DNAH11: variants seen among roughly 807,000 people sequenced by gnomAD.
DNAH11 encodes dynein axonemal heavy chain 11, also known as axonemal beta dynein heavy chain 11.
In DNAH11, 442 loss-of-function variants were observed where a neutral mutation model predicts 526.0. The observed-to-expected ratio is 0.84, with a 90% confidence interval of 0.78 to 0.91. The LOEUF (loss-of-function observed/expected upper bound fraction) is 0.91. Ranked by LOEUF, DNAH11 falls within the 40% of genes least tolerant of loss-of-function variation. The pLI, the probability that DNAH11 is intolerant of heterozygous loss-of-function variation, is 0.00. For missense variants in DNAH11, 6,989 were observed against 5,448.7 expected, an observed-to-expected ratio of 1.28 and a Z score of -8.90; for synonymous variants, 2,461 against 1,935.9, an observed-to-expected ratio of 1.27 and a Z score of -7.12.
intron 25 of DNAH11, 108 bp from the exon 26 acceptor site, chr7:21,635,763 C>A: frequency 1.2e-6 from 1 of 848,064 alleles, no homozygotes; most frequent in Non-Finnish European, 1.7e-6. Context: ...ATATTACATG[C>A]TAGGTCTAAG....
intron 69 of DNAH11, 127 bp from the exon 70 acceptor site, chr7:21,864,408 G>A (rs1024944215): frequency 3.5e-5 from 26 of 737,314 alleles, no homozygotes; most frequent in South Asian, 5.4e-5. Context: ...TAGAACAGAT[G>A]TCAAGTGGAG....
intron 27 of DNAH11, among the ~76,000 whole-genome samples, chr7:21,638,721 TG>T (rs1786982592): frequency 2.0e-5 from 3 of 151,738 alleles, no homozygotes; most frequent in Non-Finnish European, 4.4e-5. Context: ...TGTGTGTGTG[TG>T]TGTGTGTGTG....
intron 79 of DNAH11, 95 bp downstream of exon 79, chr7:21,895,094 G>A: frequency 9.9e-7 from 1 of 1,010,842 alleles, no homozygotes; most frequent in South Asian, 1.5e-5. Context: ...TGCAGACGGA[G>A]CTTTGTGACT....
intron 6 of DNAH11, among the ~76,000 whole-genome samples, chr7:21,565,963 T>G (rs974750900): frequency 2.0e-5 from 3 of 152,234 alleles, no homozygotes; most frequent in Admixed American, 6.5e-5. Context: ...TTTTGCCCTT[T>G]TGTTAAACAG....
At chr7:21,824,323 A>G (rs1328286537) in intron 65 of DNAH11, among the ~76,000 whole-genome samples, 3 of 152,154 alleles carry the variant, frequency 2.0e-5, no homozygotes, top group Non-Finnish European at 2.9e-5. Flanking sequence ...CTCCTTGACA[A>G]TTCTGCCTCC....
At chr7:21,716,220 C>T (rs1051328403) in intron 42 of DNAH11, among the ~76,000 whole-genome samples, 2 of 152,068 alleles carry the variant, frequency 1.3e-5, no homozygotes, top group South Asian at 4.1e-4. Flanking sequence ...ATCCAGGATG[C>T]CAACTCTTGT....
At chr7:21,659,237 T>C (rs868153406) in intron 30 of DNAH11, among the ~76,000 whole-genome samples, 13 of 149,890 alleles carry the variant, frequency 8.7e-5, no homozygotes, top group Middle Eastern at 6.8e-3. Context: ...AAGTACATCG[T>C]GTCTATTGTC....
chr7:21,706,021 G>T (rs1046950704), intron 39 of DNAH11, among the ~76,000 whole-genome samples: 1 of 151,994 alleles, frequency 6.6e-6, no homozygotes, highest in African/African-American at 2.4e-5. Flanking sequence ...ATATCATTCA[G>T]AAAAACAAAC....
chr7:21,600,601 G>A (rs1562691399), intron 15 of DNAH11, 75 bp from the exon 16 acceptor site: 1 of 1,403,012 alleles, frequency 7.1e-7, no homozygotes. Context: ...AATTACCTTG[G>A]TAATGTTATG....
chr7:21,659,140 A>G, intron 30 of DNAH11, 109 bp downstream of exon 30: 1 of 934,042 alleles, frequency 1.1e-6, no homozygotes, highest in Non-Finnish European at 1.6e-6. Context: ...TGTGCAAAAT[A>G]CTATGCTGGG....
chr7:21,547,712 C>T (rs577831425), intron 2 of DNAH11, among the ~76,000 whole-genome samples: 2 of 152,308 alleles, frequency 1.3e-5, no homozygotes, highest in South Asian at 4.1e-4. Flanking sequence ...TTTGTCATAT[C>T]CTCAGGCTGG....
intron 25 of DNAH11, among the ~76,000 whole-genome samples, chr7:21,629,864 T>G (rs1275060891): frequency 6.6e-6 from 1 of 152,134 alleles, no homozygotes; most frequent in African/African-American, 2.4e-5. Flanking sequence ...TTATGTTTCT[T>G]TAGCTATTCA....
intron 7 of DNAH11, among the ~76,000 whole-genome samples, chr7:21,571,325 G>A (rs377158913): frequency 1.3e-5 from 2 of 152,022 alleles, no homozygotes; most frequent in African/African-American, 2.4e-5. Context: ...CTGTCACCCC[G>A]GCTGAAGTGC....
At chr7:21,766,983 A>G (rs1045374313) in intron 55 of DNAH11, among the ~76,000 whole-genome samples, 7 of 152,314 alleles carry the variant, frequency 4.6e-5, no homozygotes, top group Admixed American at 3.3e-4. Flanking sequence ...AATAAATGAA[A>G]ATAAGAAATG....
At chr7:21,606,583 C>T in intron 19 of DNAH11, 41 bp downstream of exon 19, 36 of 1,506,592 alleles carry the variant, frequency 2.4e-5, no homozygotes, top group Non-Finnish European at 3.2e-5. Context: ...AAAGGTTTTA[C>T]TAGGATAATT....
intron 42 of DNAH11, among the ~76,000 whole-genome samples, chr7:21,712,250 A>G (rs1784491120): frequency 6.6e-6 from 1 of 152,206 alleles, no homozygotes; most frequent in Admixed American, 6.5e-5. Flanking sequence ...CATTATGTGT[A>G]CATACCACAT....
At chr7:21,547,890 A>G (rs1782864173) in intron 2 of DNAH11, among the ~76,000 whole-genome samples, 1 of 152,168 alleles carries the variant, frequency 6.6e-6, no homozygotes, top group Admixed American at 6.5e-5. Context: ...TAGGAGAGCA[A>G]CTTTAATTTG....
chr7:21,744,565 G>A lies in DNAH11; in HGVS notation c.8282G>A (p.Arg2761Lys). The A allele has an allele frequency of 1.9e-6, 3 of 1,613,612 alleles. No homozygotes were observed. Among genetic ancestry groups the A allele is most frequent in the Non-Finnish European group, 2.5e-6 (3 of 1,179,794 alleles). The change falls in exon 50 of 82, where the codon AGA becomes AAA. Residue 2761 changes from arginine to lysine, a missense_variant. Arg to Lys is a conservative substitution (Grantham distance 26). Transcript: ENST00000409508. ...IDKKDCDLFQ[R>K]RMLETAYKYF... ...AAAAAAGATTGTGATTTGTTTCAGA[G>A]AAGAATGCTGGAAACTGCTTATAAA... is the stretch of plus-strand genomic sequence containing the variant.
At chr7:21,676,629 T>A (rs1467728528) in intron 30 of DNAH11, among the ~76,000 whole-genome samples, 1 of 152,212 alleles carries the variant, frequency 6.6e-6, no homozygotes, top group Non-Finnish European at 1.5e-5. Flanking sequence ...TTGACTGCAC[T>A]TCTGTGAAAA....
Sources: allele counts gnomAD v4.1 joint callset (sites outside exome capture counted in the v4.1 genomes callset), GRCh38; gene constraint gnomAD v4.1.1; transcripts MANE v1.5; gene names NCBI Gene and HGNC (gene_info 2026-07-23, HGNC 2026-07-21).